POU2F1: variants seen among roughly 807,000 people sequenced by gnomAD.
The protein encoded by POU2F1 is POU class 2 homeobox 1, also known as POU domain, class 2, transcription factor 1.
Under a neutral mutation model 84.9 loss-of-function variants are expected in POU2F1, and 16 were observed. The ratio of observed to expected loss-of-function variants is 0.19; its 90% confidence interval spans 0.13 to 0.29. The LOEUF is 0.29. Ranked by LOEUF, POU2F1 falls within the 10% of genes least tolerant of loss-of-function variation. The pLI, the probability that POU2F1 is intolerant of heterozygous loss-of-function variation, is 1.00. For missense variants in POU2F1, 738 were observed against 942.6 expected (o/e 0.78, Z 2.84); for synonymous variants, 368 against 368.3 (o/e 1.00, Z 0.01).
chr1:167,412,561 T>G (rs915592864), intron 14 of POU2F1, among the ~76,000 whole-genome samples: 2 of 152,174 alleles, frequency 1.3e-5, no homozygotes, highest in African/African-American at 4.8e-5. Flanking sequence ...ACTAATTACC[T>G]TAGTGACGGG....
intron 1 of POU2F1, among the ~76,000 whole-genome samples, chr1:167,223,642 A>G (rs1016129589): frequency 1.3e-5 from 2 of 152,070 alleles, no homozygotes; most frequent in Non-Finnish European, 2.9e-5. Context: ...TCTAGGTTTG[A>G]TGGATTAAAC....
At chr1:167,390,146 G>C (rs949202523) in intron 9 of POU2F1, among the ~76,000 whole-genome samples, 4 of 152,202 alleles carry the variant, frequency 2.6e-5, no homozygotes, top group African/African-American at 9.7e-5. Flanking sequence ...AGGGACAACT[G>C]TATTTGCTTT....
chr1:167,403,099 A>G (rs1304645299), intron 13 of POU2F1, among the ~76,000 whole-genome samples: 1 of 151,984 alleles, frequency 6.6e-6, no homozygotes, highest in African/African-American at 2.4e-5. Context: ...TTGAACTCTT[A>G]CTCAGCCTAT....
intron 1 of POU2F1, among the ~76,000 whole-genome samples, chr1:167,322,066 C>T (rs532341974): frequency 7.2e-4 from 109 of 152,278 alleles, no homozygotes; most frequent in African/African-American, 2.5e-3. Context: ...GCCACGTGGA[C>T]GGCCAGTGCT....
Position 167,396,309 on chromosome 1 carries a change from G to T in POU2F1, c.1011G>T (p.Gly337=). The T allele has an allele frequency of 6.2e-7, 1 of 1,614,040 alleles. No homozygotes were observed. The part of the protein sequence containing the change: ...FTQGDVGLAM[G]KLYGNDFSQT... ...AGGGTGATGTTGGGCTCGCTATGGG[G>T]AAACTATATGGAAATGACTTCAGCC... is the stretch of plus-strand genomic sequence containing the variant. Residue 337 remains glycine, a synonymous_variant, in exon 10 of 16, where the codon GGG becomes GGT. Transcript: ENST00000367866.
At position 167,415,990 on chromosome 1, in the gene POU2F1, A is replaced by G. The variant is rs1437164851; in HGVS notation, c.*180A>G. On this transcript the variant is annotated 3_prime_UTR_variant, in exon 16 of 16. Coordinates refer to ENST00000367866, the MANE Select transcript of POU2F1 (RefSeq NM_002697.4). ...ACCCATACACACATACCAGAAAAAG[A>G]AAGAAAGGATGGAGACGGAACATTT... 5.6e-6 allele frequency: 4 copies of G among 720,452 alleles called. No homozygotes were observed. In the African/African-American group the frequency reaches 7.2e-5, roughly 13 times the overall value. The allele number at this position is 720,452 out of a possible 1,614,324, so 44.6% of individuals were successfully genotyped here.
At chr1:167,336,242 T>C (rs1657434827) in intron 2 of POU2F1, among the ~76,000 whole-genome samples, 1 of 152,226 alleles carries the variant, frequency 6.6e-6, no homozygotes, top group South Asian at 2.1e-4. Context: ...TAAAATTAAC[T>C]GCATTACCTA....
chr1:167,393,357 T>C (rs959866036), intron 9 of POU2F1, among the ~76,000 whole-genome samples: 8 of 152,338 alleles, frequency 5.3e-5, no homozygotes, highest in South Asian at 4.1e-4. Flanking sequence ...ATAAAACATA[T>C]TAATAAATGA....
In POU2F1 at chr1:167,358,737, T is replaced by TTTTTTTTTTTTTTTTTTTTTTTTTG. The variant is rs71097670; in HGVS notation, c.128-6730_128-6729insTTTTTTTTTTTTTTTTTTTTTTTTG. 5.6e-5 allele frequency among the ~76,000 whole-genome samples: 5 copies of TTTTTTTTTTTTTTTTTTTTTTTTTG among 88,830 alleles called. 1 individual carries two copies. The highest frequency in any genetic ancestry group is 7.3e-5 in the African/African-American group (2 of 27,438). The allele number at this position is 88,830 out of a possible 152,430, so 58.3% of individuals were successfully genotyped here. A position where few individuals can be genotyped will look rare whatever the true frequency, so the allele number is the denominator to read the frequency against. ...GCAGCTTTTTTTTTTTTTTTTTTTT[T>TTTTTTTTTTTTTTTTTTTTTTTTTG]GAGACAGGTTCTGACTGTGCTGCTC... On this transcript the variant is annotated intron_variant, in intron 2 of 15. Transcript: ENST00000367866.
intron 2 of POU2F1, among the ~76,000 whole-genome samples, chr1:167,353,905 G>A (rs1001531742): frequency 2.6e-5 from 4 of 152,104 alleles, no homozygotes; most frequent in Admixed American, 6.5e-5. Context: ...CCACTATCCC[G>A]AAGTTAGCGT....
intron 1 of POU2F1, among the ~76,000 whole-genome samples, chr1:167,279,371 TC>T (rs969733337): frequency 6.6e-6 from 1 of 152,136 alleles, no homozygotes; most frequent in East Asian, 1.9e-4. Flanking sequence ...TGATGTTGTG[TC>T]CCCCCATGAC....
chr1:167,340,393 T>TTACCCTTTGA (rs1183164743), intron 2 of POU2F1, among the ~76,000 whole-genome samples: 4 of 151,812 alleles, frequency 2.6e-5, no homozygotes, highest in Non-Finnish European at 5.9e-5. Context: ...AACCATTCTT[T>TTACCCTTTGA]TACCCTTTGA....
chr1:167,363,500 G>C (rs1044121441), intron 2 of POU2F1, among the ~76,000 whole-genome samples: 17 of 152,082 alleles, frequency 1.1e-4, no homozygotes, highest in Non-Finnish European at 2.2e-4. Context: ...ATGACAAAAC[G>C]CATGACTTTA....
At chr1:167,221,095 A>G (rs1327381995) in intron 1 of POU2F1, 137 bp downstream of exon 1, 17 of 839,750 alleles carry the variant, frequency 2.0e-5, no homozygotes, top group Non-Finnish European at 2.9e-5. Flanking sequence ...GCCGGGGAGC[A>G]TTGAGCCCCC....
At chr1:167,301,289 G>A (rs1654684770) in intron 1 of POU2F1, among the ~76,000 whole-genome samples, 1 of 152,052 alleles carries the variant, frequency 6.6e-6, no homozygotes, top group Non-Finnish European at 1.5e-5. Context: ...CTTGGTGATG[G>A]GCATTTTGTA....
At chr1:167,337,902 A>G (rs867090639) in intron 2 of POU2F1, 41 of 346,414 alleles carry the variant, frequency 1.2e-4, no homozygotes, top group African/African-American at 6.4e-4. Flanking sequence ...TGCAGATGCA[A>G]TCGGGTTTAT....
intron 1 of POU2F1, among the ~76,000 whole-genome samples, chr1:167,234,812 A>AT (rs751801431): frequency 4.7e-4 from 72 of 152,264 alleles, no homozygotes; most frequent in Admixed American, 1.2e-3. Flanking sequence ...CAGCATTTAT[A>AT]TTTTTTTGTG....
intron 1 of POU2F1, among the ~76,000 whole-genome samples, chr1:167,233,103 A>G (rs1395391329): frequency 6.6e-6 from 1 of 150,996 alleles, no homozygotes; most frequent in Non-Finnish European, 1.5e-5. Flanking sequence ...GTTTTTAACT[A>G]TACTTTTTCT....
intron 1 of POU2F1, among the ~76,000 whole-genome samples, chr1:167,305,729 T>C (rs1409067348): frequency 6.6e-6 from 1 of 152,232 alleles, no homozygotes; most frequent in Non-Finnish European, 1.5e-5. Context: ...TTGATTTTAC[T>C]TTTTAGTAAA....
Sources: gnomAD v4.1 joint callset for allele counts (sites outside exome capture counted in the v4.1 genomes callset) on GRCh38, gnomAD v4.1.1 for gene constraint, MANE v1.5 for transcripts, NCBI Gene and HGNC (gene_info 2026-07-23, HGNC 2026-07-21) for gene names.